The following GALK2 variants were observed in gnomAD, a reference collection of about 807,000 sequenced individuals.
GALK2 encodes galactokinase 2, also known as N-acetylgalactosamine kinase.
GALK2 carries 36 observed loss-of-function variants against 52.4 expected under a neutral mutation model. The observed-to-expected ratio is 0.69, with a 90% CI of 0.53 to 0.91. The LOEUF is 0.91. Ranked by LOEUF, GALK2 falls within the 40% of genes least tolerant of loss-of-function variation. The pLI is 0.00. For missense variants in GALK2, 579 were observed against 559.1 expected (o/e 1.04, Z -0.36); for synonymous variants, 176 against 199.1 (o/e 0.88, Z 0.98).
At position 49,329,775 on chromosome 15, in the gene GALK2, A is replaced by G. The variant is rs1229731556; in HGVS notation, c.*1616A>G. 7.4e-6 allele frequency: 7 copies of G among 943,830 alleles called. No homozygotes were observed. Among genetic ancestry groups the G allele is most frequent in the East Asian group, 1.2e-4 (1 of 8,564 alleles). The allele number at this position is 943,830 out of a possible 1,614,324, so 58.5% of individuals were successfully genotyped here. On this transcript the variant is annotated 3_prime_UTR_variant, in exon 10 of 10. Coordinates refer to ENST00000560031, the MANE Select transcript of GALK2 (RefSeq NM_002044.4). The stretch of plus-strand genomic sequence containing the variant: ...TTTCCACAAAGGATTTGTGGTTGGT[A>G]TATAATTCTTTAAAGATACCTGGAT...
chr15:49,351,996 C>G (rs573121830), intron 3 of GALK2, among the ~76,000 whole-genome samples: 17 of 152,184 alleles, frequency 1.1e-4, no homozygotes, highest in Non-Finnish European at 1.9e-4. Context: ...CTAGGCTGTT[C>G]TAAGATGGAG....
intron 5 of GALK2, among the ~76,000 whole-genome samples, chr15:49,240,853 A>G (rs1194436981): frequency 4.1e-5 from 1 of 24,308 alleles, no homozygotes; most frequent in Non-Finnish European, 3.0e-4. Context: ...GGTTTTAGGA[A>G]GAGGTAAGGT....
intron 5 of GALK2, among the ~76,000 whole-genome samples, chr15:49,245,186 TATC>T (rs926882350): frequency 1.2e-4 from 18 of 152,250 alleles, no homozygotes; most frequent in African/African-American, 3.9e-4. Context: ...AATCCTCACT[TATC>T]ATAATAGGAA....
intron 3 of GALK2, among the ~76,000 whole-genome samples, chr15:49,226,077 G>A (rs1373808511): frequency 6.6e-6 from 1 of 152,204 alleles, no homozygotes; most frequent in African/African-American, 2.4e-5. Context: ...GTTACTCAGA[G>A]GAAGAAGGGG....
At chr15:49,357,172 G>T (rs907094684) in intron 3 of GALK2, among the ~76,000 whole-genome samples, 11 of 149,672 alleles carry the variant, frequency 7.3e-5, no homozygotes, top group African/African-American at 2.7e-4. Flanking sequence ...ACAATTAAAA[G>T]AACTAGAAAA....
intron 8 of GALK2, among the ~76,000 whole-genome samples, chr15:49,299,742 T>TC (rs2034853358): frequency 9.3e-6 from 1 of 107,262 alleles, no homozygotes; most frequent in Non-Finnish European, 2.0e-5. Context: ...TTCTTTTCTT[T>TC]CTTTCTTTCT....
At chr15:49,258,827 T>TGAGAGAGA (rs1463410633) in intron 5 of GALK2, among the ~76,000 whole-genome samples, 8 of 123,626 alleles carry the variant, frequency 6.5e-5, no homozygotes, top group African/African-American at 1.8e-4. Flanking sequence ...TGTGTGTGTG[T>TGAGAGAGA]GTGAGAGAGA....
intron 1 of GALK2, chr15:49,195,098 C>T (rs1355716767): frequency 6.6e-6 from 3 of 452,846 alleles, no homozygotes; most frequent in Non-Finnish European, 1.3e-5. Flanking sequence ...GAGTCTCGCT[C>T]TGTCACCTGT....
At chr15:49,175,590 G>C (rs1423702888) in intron 1 of GALK2, among the ~76,000 whole-genome samples, 1 of 152,024 alleles carries the variant, frequency 6.6e-6, no homozygotes, top group Non-Finnish European at 1.5e-5. Flanking sequence ...ATTAAATTAA[G>C]GACATGCCCT....
intron 8 of GALK2, among the ~76,000 whole-genome samples, chr15:49,317,059 G>A (rs958310662): frequency 6.6e-6 from 1 of 152,128 alleles, no homozygotes; most frequent in Admixed American, 6.5e-5. Context: ...ATAACAATAT[G>A]GGGGGAATGT....
At chr15:49,168,696 C>T (rs192363626), upstream of GALK2, among the ~76,000 whole-genome samples, 2 of 147,318 alleles carry the variant, frequency 1.4e-5, no homozygotes, top group Admixed American at 1.4e-4. Flanking sequence ...CCAGCCTGGG[C>T]AACAAAGAGC....
chr15:49,212,610 AT>A (rs1422946946), intron 2 of GALK2, among the ~76,000 whole-genome samples: 16 of 151,972 alleles, frequency 1.1e-4, no homozygotes, highest in African/African-American at 3.9e-4. Flanking sequence ...TATTTGACAT[AT>A]TTCTACCTTT....
intron 5 of GALK2, among the ~76,000 whole-genome samples, chr15:49,266,764 G>T (rs368811701): frequency 6.6e-6 from 1 of 152,240 alleles, no homozygotes; most frequent in African/African-American, 2.4e-5. Context: ...GGGAGATTGG[G>T]TGTGTGTGTG....
At chr15:49,306,054 G>A (rs1401723758) in intron 8 of GALK2, among the ~76,000 whole-genome samples, 1 of 152,110 alleles carries the variant, frequency 6.6e-6, no homozygotes, top group African/African-American at 2.4e-5. Context: ...GGAAAGTTCA[G>A]GTATAGTGTA....
chr15:49,214,510 T>C (rs1270038706), intron 2 of GALK2, among the ~76,000 whole-genome samples: 1 of 150,602 alleles, frequency 6.6e-6, no homozygotes, highest in African/African-American at 2.4e-5. Context: ...TTTTTTTTTT[T>C]TTTGTATTTT....
intron 1 of GALK2, among the ~76,000 whole-genome samples, chr15:49,157,167 C>T (rs2084486847): frequency 1.3e-5 from 2 of 152,014 alleles, no homozygotes. Flanking sequence ...GTCATATGAC[C>T]CCTTGGGAAG....
At chr15:49,227,960 T>C (rs1333923069) in intron 3 of GALK2, among the ~76,000 whole-genome samples, 1 of 152,162 alleles carries the variant, frequency 6.6e-6, no homozygotes, top group Non-Finnish European at 1.5e-5. Flanking sequence ...ACTTCAGTTC[T>C]CCTTCATTTA....
At chr15:49,318,135 C>T (rs1209638427) in intron 8 of GALK2, 17 of 151,820 alleles carry the variant, frequency 1.1e-4, no homozygotes. Context: ...ATAAATTTTC[C>T]AAAATTTTCC....
At chr15:49,156,685 A>G in intron 1 of GALK2, 1 of 518,790 alleles carries the variant, frequency 1.9e-6, no homozygotes, top group Non-Finnish European at 3.8e-6. Flanking sequence ...AAGCATTGAC[A>G]CTTTTCAATA....
Sources: gnomAD v4.1 joint callset for allele counts (sites outside exome capture counted in the v4.1 genomes callset) on GRCh38, gnomAD v4.1.1 for gene constraint, MANE v1.5 for transcripts, NCBI Gene and HGNC (gene_info 2026-07-23, HGNC 2026-07-21) for gene names.